Variants in TRAF3 observed in about 807,000 individuals in gnomAD.
TRAF3 encodes TNF receptor-associated factor 3.
Under a neutral mutation model 62.3 loss-of-function variants are expected in TRAF3, and 13 were observed. The observed-to-expected ratio is 0.21, with a 90% CI of 0.14 to 0.33. The LOEUF (loss-of-function observed/expected upper bound fraction) is 0.33, where lower values mean the gene tolerates loss of function less well. Among genes scored for constraint, TRAF3 ranks in the 10% least tolerant of loss-of-function variants. TRAF3 has a pLI of 1.00. For synonymous variants in TRAF3, 269 were observed against 283.4 expected (o/e 0.95, Z 0.51); for missense variants, 440 against 741.8 (o/e 0.59, Z 4.73).
intron 2 of TRAF3, among the ~76,000 whole-genome samples, chr14:102,858,356 T>C (rs1486020447): frequency 2.6e-5 from 4 of 152,152 alleles, no homozygotes; most frequent in African/African-American, 9.7e-5. Flanking sequence ...TTTCACCACA[T>C]TGGTCATGCT....
rs916288245 is a variant in TRAF3, at chr14:102,781,792, A to ATTT, written c.-157+4133_-157+4135dup. On this transcript the variant is annotated intron_variant, in intron 1 of 11. Coordinates refer to ENST00000392745, the MANE Select transcript of TRAF3 (RefSeq NM_145725.3). ...CAGGCGCCTGCCACCACGCTTGGCT[A>ATTT]TTTTTTTTTTTTTTTTTTGAGACAG... Among the ~76,000 whole-genome samples, 55 of 111,248 alleles carry ATTT rather than the reference A, an allele frequency of 4.9e-4. 1 individual carries two copies. The highest frequency in any genetic ancestry group is 1.7e-3 in the African/African-American group (48 of 28,980). 73.0% of individuals were successfully genotyped at this position (111,248 alleles called of 152,430 possible).
intron 1 of TRAF3, among the ~76,000 whole-genome samples, chr14:102,811,921 T>G (rs1300765258): frequency 9.8e-6 from 1 of 102,420 alleles, no homozygotes; most frequent in Admixed American, 9.8e-5. Context: ...CCCTTTTTTT[T>G]TTTTTTTTTT....
intron 1 of TRAF3, among the ~76,000 whole-genome samples, chr14:102,785,145 C>G (rs187161244): frequency 1.5e-3 from 222 of 152,312 alleles, no homozygotes; most frequent in African/African-American, 5.2e-3. Flanking sequence ...TCAGAGTAGA[C>G]TTAGTTTTGC....
intron 1 of TRAF3, among the ~76,000 whole-genome samples, chr14:102,804,058 C>T (rs1312924514): frequency 6.6e-6 from 1 of 152,028 alleles, no homozygotes; most frequent in African/African-American, 2.4e-5. Flanking sequence ...CCCAGCTACT[C>T]AGGAGGCGGG....
At chr14:102,902,601 C>T (rs756707144) in intron 10 of TRAF3, among the ~76,000 whole-genome samples, 23 of 152,222 alleles carry the variant, frequency 1.5e-4, no homozygotes, top group Non-Finnish European at 1.8e-4. Flanking sequence ...GGGGTGAGGC[C>T]TCTCTGGGAA....
At position 102,906,684 on chromosome 14, in the gene TRAF3, T is replaced by G. The variant is rs1890598222; in HGVS notation, c.*900T>G. 1 of 152,232 alleles carries G rather than the reference T, an allele frequency of 6.6e-6. No homozygotes were observed. The highest frequency in any genetic ancestry group is 2.4e-5 in the African/African-American group (1 of 41,466). 9.4% of individuals were successfully genotyped at this position (152,232 alleles called of 1,614,324 possible). The stretch of plus-strand genomic sequence containing the variant: ...TAGGGCATCCGTTGAACTTTGGAGT[T>G]CTAAACAAAATCCTGTAGGTGTTTG... On this transcript the variant is annotated 3_prime_UTR_variant, in exon 12 of 12. Transcript: ENST00000392745.
At chr14:102,783,713 T>C (rs1683479717) in intron 1 of TRAF3, among the ~76,000 whole-genome samples, 1 of 152,220 alleles carries the variant, frequency 6.6e-6, no homozygotes, top group African/African-American at 2.4e-5. Flanking sequence ...GGAATCCCAC[T>C]GTGTATCCCT....
At chr14:102,862,796 T>A (rs1887757426) in intron 2 of TRAF3, among the ~76,000 whole-genome samples, 1 of 152,200 alleles carries the variant, frequency 6.6e-6, no homozygotes, top group Admixed American at 6.5e-5. Flanking sequence ...ATTTTCTTCA[T>A]TATTTTTTCT....
At chr14:102,779,768 A>G (rs1468033082) in intron 1 of TRAF3, among the ~76,000 whole-genome samples, 2 of 152,264 alleles carry the variant, frequency 1.3e-5, no homozygotes, top group Non-Finnish European at 2.9e-5. Flanking sequence ...AGCTCAAGCA[A>G]ACAAAGGAAA....
At chr14:102,820,554 C>T (rs1899835293) in intron 1 of TRAF3, among the ~76,000 whole-genome samples, 2 of 99,862 alleles carry the variant, frequency 2.0e-5, no homozygotes, top group Admixed American at 1.3e-4. Flanking sequence ...AATTTATTTG[C>T]TTTCTGAAAT....
At chr14:102,843,561 C>T (rs1402892059) in intron 2 of TRAF3, among the ~76,000 whole-genome samples, 1 of 152,188 alleles carries the variant, frequency 6.6e-6, no homozygotes, top group Non-Finnish European at 1.5e-5. Flanking sequence ...TGGTCTCGAA[C>T]TCCTGATTTC....
intron 2 of TRAF3, among the ~76,000 whole-genome samples, chr14:102,852,145 T>C (rs1034539499): frequency 2.0e-5 from 3 of 148,952 alleles, no homozygotes; most frequent in African/African-American, 5.2e-5. Context: ...TTTTATTTTA[T>C]TTTTTTTACA....
intron 2 of TRAF3, among the ~76,000 whole-genome samples, chr14:102,852,526 T>G (rs1349823740): frequency 4.6e-5 from 7 of 152,200 alleles, no homozygotes; most frequent in Non-Finnish European, 7.4e-5. Flanking sequence ...TGCATGTAAT[T>G]TAAAACATTA....
At chr14:102,783,237 C>A (rs1195512769) in intron 1 of TRAF3, among the ~76,000 whole-genome samples, 1 of 152,176 alleles carries the variant, frequency 6.6e-6, no homozygotes, top group East Asian at 1.9e-4. Flanking sequence ...TAGCTGCCTC[C>A]TTTAACGGTG....
At chr14:102,874,641 TTTC>T (rs1259676048) in intron 4 of TRAF3, among the ~76,000 whole-genome samples, 2 of 142,868 alleles carry the variant, frequency 1.4e-5, no homozygotes, top group African/African-American at 5.8e-5. Flanking sequence ...TGAAAGGTTT[TTTC>T]TTCTTCTTTT....
At chr14:102,828,994 C>T (rs998600166) in intron 1 of TRAF3, among the ~76,000 whole-genome samples, 1 of 152,094 alleles carries the variant, frequency 6.6e-6, no homozygotes, top group Non-Finnish European at 1.5e-5. Flanking sequence ...TCTTATTTTG[C>T]CTTTAGAAGA....
At chr14:102,801,022 C>T (rs921494156) in intron 1 of TRAF3, among the ~76,000 whole-genome samples, 52 of 152,210 alleles carry the variant, frequency 3.4e-4, no homozygotes, top group African/African-American at 1.1e-3. Context: ...AAAAATTAGC[C>T]GGGCGCAGTG....
intron 1 of TRAF3, among the ~76,000 whole-genome samples, chr14:102,821,463 C>T (rs563205373): frequency 1.3e-5 from 2 of 152,280 alleles, no homozygotes; most frequent in South Asian, 4.2e-4. Context: ...CATGACAGGA[C>T]AGAGTGGCTT....
chr14:102,806,649 C>T (rs1390597329), intron 1 of TRAF3, among the ~76,000 whole-genome samples: 1 of 152,120 alleles, frequency 6.6e-6, no homozygotes, highest in Admixed American at 6.5e-5. Context: ...ATATGGGCAG[C>T]TCCCTGTAGT....
Sources: allele counts gnomAD v4.1 joint callset (sites outside exome capture counted in the v4.1 genomes callset), GRCh38; gene constraint gnomAD v4.1.1; transcripts MANE v1.5; gene names NCBI Gene and HGNC (gene_info 2026-07-23, HGNC 2026-07-21).